The following TWIST2 variants were observed in gnomAD, a reference collection of about 807,000 sequenced individuals.
The protein encoded by TWIST2 is twist family bHLH transcription factor 2.
A neutral mutation model predicts 11.6 loss-of-function variants in TWIST2; 1 was observed. That is an observed-to-expected ratio of 0.09 (90% CI 0.03 to 0.41). TWIST2 has a LOEUF of 0.41. TWIST2 is among the 10% of genes least tolerant of loss of function. The probability of loss-of-function intolerance (pLI) is 0.98; values close to 1 mark genes in which losing one functional copy is unlikely to be tolerated. For missense variants in TWIST2, 168 were observed against 226.4 expected, an observed-to-expected ratio of 0.74 and a Z score of 1.66; for synonymous variants, 87 against 96.6, an observed-to-expected ratio of 0.90 and a Z score of 0.58.
At chr2:238,873,494 G>C (rs1692747307) in intron 1 of TWIST2, among the ~76,000 whole-genome samples, 1 of 152,212 alleles carries the variant, frequency 6.6e-6, no homozygotes, top group South Asian at 2.1e-4. Flanking sequence ...CTGGGGGTTG[G>C]GAGTGGGCAG....
chr2:238,883,687 GGAGTT>G (rs1282550316), intron 1 of TWIST2, among the ~76,000 whole-genome samples: 1 of 152,142 alleles, frequency 6.6e-6, no homozygotes, highest in Non-Finnish European at 1.5e-5. Context: ...GCACACGGAG[GGAGTT>G]GAGTAAGAAG....
intron 1 of TWIST2, among the ~76,000 whole-genome samples, chr2:238,873,921 A>G (rs962572784): frequency 6.6e-6 from 1 of 152,212 alleles, no homozygotes; most frequent in African/African-American, 2.4e-5. Context: ...GTCATTGTGC[A>G]TCAGCTCGAA....
chr2:238,905,920 G>GGTGTGCGT lies in TWIST2; in HGVS notation c.*36-3918_*36-3911dup, dbSNP rs1491475163. On this transcript the variant is annotated intron_variant, in intron 1 of 1. Transcript: ENST00000612363. ...GCGTGTGTGCGTGTGTGTGCGTGCAGGTGTGCGTGTGCGCGTGTGTGTGCG... is the reference window on the plus strand; with the variant it reads ...GCGTGTGTGCGTGTGTGTGCGTGCAGGTGTGCGTGTGTGCGTGTGCGCGTGTGTGTGCG... Among the ~76,000 whole-genome samples, 250 of 113,128 alleles carry GGTGTGCGT rather than the reference G, an allele frequency of 2.2e-3. 4 individuals carry two copies. The highest frequency in any genetic ancestry group is 4.1e-3 in the African/African-American group (114 of 27,816). 74.2% of individuals were successfully genotyped at this position (113,128 alleles called of 152,430 possible).
intron 1 of TWIST2, among the ~76,000 whole-genome samples, chr2:238,879,754 C>G (rs1574759898): frequency 6.6e-6 from 1 of 152,250 alleles, no homozygotes; most frequent in South Asian, 2.1e-4. Context: ...CAGGCAGTAC[C>G]TGTGGGAAGT....
At chr2:238,865,388 AG>A (rs1159270636) in intron 1 of TWIST2, among the ~76,000 whole-genome samples, 1 of 152,134 alleles carries the variant, frequency 6.6e-6, no homozygotes, top group Non-Finnish European at 1.5e-5. Flanking sequence ...CCGGAGAGTG[AG>A]GGGGGCCTGG....
intron 1 of TWIST2, among the ~76,000 whole-genome samples, chr2:238,870,354 C>G (rs940643275): frequency 2.8e-4 from 1 of 3,538 alleles, no homozygotes. Context: ...CACCACACAC[C>G]CCACACACAC....
chr2:238,891,101 T>TGGG (rs934529549), intron 1 of TWIST2, among the ~76,000 whole-genome samples: 1 of 152,218 alleles, frequency 6.6e-6, no homozygotes, highest in Non-Finnish European at 1.5e-5. Context: ...ATTAGATTTG[T>TGGG]GGATCATGAC....
At chr2:238,898,359 T>A (rs1693229780) in intron 1 of TWIST2, among the ~76,000 whole-genome samples, 1 of 152,056 alleles carries the variant, frequency 6.6e-6, no homozygotes, top group African/African-American at 2.4e-5. Flanking sequence ...GAACTGGAGA[T>A]TTTGTCAAAG....
At position 238,867,692 on chromosome 2, in the gene TWIST2, C is replaced by G. The variant is rs1386219954; in HGVS notation, c.*35+18959C>G. ...CACAGGCTGGATGCAAGGCAGATGC[C>G]ACATGGAACCCTTAGGTATTGAGTG... On this transcript the variant is annotated intron_variant, in intron 1 of 1. Transcript: ENST00000612363. This position sits in a 1 kb window ranked among gnomAD's most constrained non-coding sequence, Gnocchi z 4.8. Among the ~76,000 whole-genome samples the G allele has an allele frequency of 6.6e-6, 1 of 152,170 alleles. No individual in the cohort carries two copies. Among genetic ancestry groups the G allele is most frequent in the African/African-American group, 2.4e-5 (1 of 41,432 alleles).
At chr2:238,876,048 G>T (rs966830552) in intron 1 of TWIST2, among the ~76,000 whole-genome samples, 1 of 152,206 alleles carries the variant, frequency 6.6e-6, no homozygotes, top group East Asian at 1.9e-4. Context: ...GGACGTGGGG[G>T]ACCCTGGCAG....
chr2:238,864,946 T>TA lies in TWIST2; in HGVS notation c.*35+16214dup. On this transcript the variant is annotated intron_variant, in intron 1 of 1. Coordinates refer to ENST00000612363, the MANE Select transcript of TWIST2 (RefSeq NM_001271893.4). This position sits in a 1 kb window ranked among gnomAD's most constrained non-coding sequence, Gnocchi z 4.7. ...GCCGGGAGGACCTGGAGGATGCATC[T>TA]ACTGCCAGGCTCGGTGGGCCTGGCC... is the stretch of plus-strand genomic sequence containing the variant. Among the ~76,000 whole-genome samples the TA allele has an allele frequency of 6.6e-6, 1 of 152,180 alleles. No homozygotes were observed. Among genetic ancestry groups the TA allele is most frequent in the South Asian group, 2.1e-4 (1 of 4,820 alleles).
chr2:238,892,334 T>A (rs1161709692), intron 1 of TWIST2, among the ~76,000 whole-genome samples: 2 of 152,220 alleles, frequency 1.3e-5, no homozygotes, highest in African/African-American at 2.4e-5. Context: ...CTGCACCACG[T>A]GTTACCCGTG....
intron 1 of TWIST2, among the ~76,000 whole-genome samples, chr2:238,873,487 G>T (rs980653402): frequency 2.0e-5 from 3 of 152,212 alleles, no homozygotes; most frequent in Admixed American, 6.5e-5. Flanking sequence ...GTATGCTCTG[G>T]GGGTTGGGAG....
intron 1 of TWIST2, among the ~76,000 whole-genome samples, chr2:238,862,115 A>G (rs545992226): frequency 6.6e-6 from 1 of 152,250 alleles, no homozygotes; most frequent in Non-Finnish European, 1.5e-5. Context: ...AGTGTCTTAC[A>G]GGTGGCAGTG....
At chr2:238,902,488 T>C (rs1384121977) in intron 1 of TWIST2, among the ~76,000 whole-genome samples, 3 of 150,758 alleles carry the variant, frequency 2.0e-5, no homozygotes, top group African/African-American at 4.9e-5. Flanking sequence ...GTGTGTGTGA[T>C]GTGGAGTGTG....
chr2:238,881,445 TA>T (rs1692928704), intron 1 of TWIST2, among the ~76,000 whole-genome samples: 1 of 151,684 alleles, frequency 6.6e-6, no homozygotes, highest in African/African-American at 2.4e-5. Flanking sequence ...CGGTATTTAT[TA>T]GTATTAGTGT....
At chr2:238,905,924 TGCGTGTGCGC>T (rs1693341460) in intron 1 of TWIST2, among the ~76,000 whole-genome samples, 2 of 92,634 alleles carry the variant, frequency 2.2e-5, no homozygotes, top group African/African-American at 5.4e-5. Context: ...CGTGCAGGTG[TGCGTGTGCGC>T]GTGTGTGTGC....
At chr2:238,874,462 C>T (rs991527703) in intron 1 of TWIST2, among the ~76,000 whole-genome samples, 2 of 152,102 alleles carry the variant, frequency 1.3e-5, no homozygotes, top group African/African-American at 4.8e-5. Flanking sequence ...GATGCAGGCC[C>T]AGGAGACGTT....
intron 1 of TWIST2, among the ~76,000 whole-genome samples, chr2:238,870,568 C>CCCTA (rs1692659272): frequency 2.8e-4 from 4 of 14,440 alleles, no homozygotes; most frequent in South Asian, 2.3e-3. Flanking sequence ...ACACCACACA[C>CCCTA]CACACACCAC....
Sources: gnomAD v4.1 joint callset for allele counts (sites outside exome capture counted in the v4.1 genomes callset) on GRCh38, gnomAD v4.1.1 for gene constraint, Gnocchi (gnomAD v3.1) non-coding constraint, MANE v1.5 for transcripts, NCBI Gene and HGNC (gene_info 2026-07-23, HGNC 2026-07-21) for gene names.